The following IRAK3 variants were observed in gnomAD, a reference collection of about 807,000 sequenced individuals.
IRAK3 encodes interleukin 1 receptor associated kinase 3.
IRAK3 carries 57 observed loss-of-function variants against 56.6 expected under a neutral mutation model. The ratio of observed to expected loss-of-function variants is 1.01; its 90% CI spans 0.81 to 1.26. The LOEUF (loss-of-function observed/expected upper bound fraction) is 1.26. IRAK3 is among the 50% of genes most tolerant of loss of function. IRAK3 has a pLI of 0.00. For synonymous variants in IRAK3, 258 were observed against 255.7 expected, an observed-to-expected ratio of 1.01 and a Z score of -0.09; for missense variants, 703 against 719.0, an observed-to-expected ratio of 0.98 and a Z score of 0.25.
intron 6 of IRAK3, among the ~76,000 whole-genome samples, chr12:66,219,057 T>C (rs1371813853): frequency 6.6e-6 from 1 of 152,168 alleles, no homozygotes; most frequent in Non-Finnish European, 1.5e-5. Flanking sequence ...TGTATGTGTG[T>C]GTGTGTGTGT....
chr12:66,232,933 T>C (rs2052858605), intron 8 of IRAK3, among the ~76,000 whole-genome samples: 1 of 152,050 alleles, frequency 6.6e-6, no homozygotes, highest in Non-Finnish European at 1.5e-5. Flanking sequence ...TATTTTCTTT[T>C]CTGTATTTGG....
At chr12:66,226,628 T>C (rs1318138474) in intron 6 of IRAK3, 95 bp from the exon 7 acceptor site, 2 of 760,244 alleles carry the variant, frequency 2.6e-6, no homozygotes, top group Admixed American at 1.9e-5. Flanking sequence ...TTTAGGCCTA[T>C]TCCCCATCCC....
intron 8 of IRAK3, among the ~76,000 whole-genome samples, chr12:66,239,313 T>TTTTA (rs1555205067): frequency 4.0e-5 from 6 of 151,580 alleles, no homozygotes; most frequent in Non-Finnish European, 8.8e-5. Context: ...TTTTTTTTTT[T>TTTTA]AATGGAAATT....
At chr12:66,243,629 T>C (rs1341359276) in intron 8 of IRAK3, among the ~76,000 whole-genome samples, 1 of 152,214 alleles carries the variant, frequency 6.6e-6, no homozygotes, top group Admixed American at 6.5e-5. Flanking sequence ...GGGAGGACAC[T>C]ATGCACTTCG....
At chr12:66,243,752 G>A (rs896909806) in intron 8 of IRAK3, among the ~76,000 whole-genome samples, 3 of 152,198 alleles carry the variant, frequency 2.0e-5, no homozygotes, top group Non-Finnish European at 4.4e-5. Flanking sequence ...GAAAGGCAGA[G>A]CTCCTGGCTG....
intron 1 of IRAK3, among the ~76,000 whole-genome samples, chr12:66,199,471 G>A (rs189396742): frequency 6.6e-6 from 1 of 152,162 alleles, no homozygotes; most frequent in African/African-American, 2.4e-5. Flanking sequence ...ATCTGAAACT[G>A]TAGTGATTAT....
intron 2 of IRAK3, among the ~76,000 whole-genome samples, chr12:66,205,332 G>A (rs2052548718): frequency 6.6e-6 from 1 of 152,084 alleles, no homozygotes; most frequent in South Asian, 2.1e-4. Flanking sequence ...TTTTTTTGAT[G>A]TGAGATTAGC....
Position 66,244,487 on chromosome 12 carries a change from G to A in IRAK3, c.889G>A (p.Ala297Thr). The change falls in exon 9 of 12, where the codon GCA becomes ACA. Residue 297 changes from alanine (A) to threonine (T), a missense_variant and splice_region_variant. By Grantham distance (58) the Ala-to-Thr change is moderately conservative. Transcript: ENST00000261233. ...GTTTGTCCCTGATCACAATTTTAGT[G>A]CAAACATCCTTTTGGATGATCAGTT... Reference protein sequence around the residue: ...CSVICGSISSANILLDDQFQP... With the variant: ...CSVICGSISSTNILLDDQFQP... The A allele has an allele frequency of 1.2e-6, 2 of 1,613,510 alleles. No individual in the cohort carries two copies. Among genetic ancestry groups the A allele is most frequent in the Non-Finnish European group, 1.7e-6 (2 of 1,179,446 alleles).
Position 66,212,144 on chromosome 12 carries a change from A to G in IRAK3, c.588+547A>G, listed in dbSNP as rs552604275. 2.0e-5 allele frequency among the ~76,000 whole-genome samples: 3 copies of G among 150,164 alleles called. No homozygotes were observed. The East Asian group carries it at 5.9e-4, about 29-fold the overall frequency. ...AAAAAAAGACTTCTGAAAAGTCTCC[A>G]GGACTTTGTTAAAGAGGGTCAGGTA... On this transcript the variant is annotated intron_variant, in intron 5 of 11. Transcript: ENST00000261233.
In IRAK3 at chr12:66,203,711, CAG is replaced by C. The variant is rs1454565207; in HGVS notation, c.140_141del (p.Arg47ThrfsTer12). 5 of 1,613,740 alleles carry C rather than the reference CAG, an allele frequency of 3.1e-6. No homozygotes were observed. Among genetic ancestry groups the C allele is most frequent in the African/African-American group, 1.3e-5 (1 of 75,006 alleles). ...TTTGTTTATATTGCAATTTCCACAG[CAG>C]AGAGACTTTCAAGCAGCTGGCTGGA... is the stretch of plus-strand genomic sequence containing the variant. On this transcript the variant is annotated frameshift_variant and splice_region_variant, in exon 2 of 12. Transcript: ENST00000261233. LOFTEE classifies it high-confidence loss of function.
chr12:66,203,882 T>C lies in IRAK3; in HGVS notation c.305T>C (p.Ile102Thr). The change falls in exon 2 of 12, where the codon ATT (isoleucine) becomes ACT (threonine). Residue 102 changes from isoleucine to threonine, a missense_variant. Ile to Thr is a moderately conservative substitution (Grantham distance 89). Coordinates refer to ENST00000261233, the MANE Select transcript of IRAK3 (RefSeq NM_007199.3). Reference sequence around the variant, plus strand: ...GGACATCGTCGAGCTATTCATTTAATTACAAACTATGGTAAATGCTGATTC... The same window carrying C: ...GGACATCGTCGAGCTATTCATTTAACTACAAACTATGGTAAATGCTGATTC... ...EMGHRRAIHL[I>T]TNYGAVLSPS... 1.2e-6 allele frequency: 2 copies of C among 1,612,970 alleles called. No homozygotes were observed. Among genetic ancestry groups the C allele is most frequent in the African/African-American group, 1.3e-5 (1 of 75,054 alleles).
intron 1 of IRAK3, among the ~76,000 whole-genome samples, chr12:66,195,532 C>G (rs1175679399): frequency 2.6e-5 from 4 of 152,168 alleles, no homozygotes; most frequent in African/African-American, 9.7e-5. Context: ...TTGCTTGACT[C>G]CAACCACATT....
intron 1 of IRAK3, among the ~76,000 whole-genome samples, chr12:66,193,508 C>T (rs1262450455): frequency 6.6e-6 from 1 of 152,174 alleles, no homozygotes; most frequent in Non-Finnish European, 1.5e-5. Context: ...ATTCAGACTT[C>T]CTTTGCTTTT....
At chr12:66,205,379 AGATAG>A (rs1467099530) in intron 2 of IRAK3, among the ~76,000 whole-genome samples, 1 of 152,230 alleles carries the variant, frequency 6.6e-6, no homozygotes, top group African/African-American at 2.4e-5. Flanking sequence ...TAGTACAAAG[AGATAG>A]GTAAATCTGA....
intron 1 of IRAK3, among the ~76,000 whole-genome samples, chr12:66,193,911 G>A (rs533838112): frequency 6.6e-6 from 1 of 152,258 alleles, no homozygotes; most frequent in South Asian, 2.1e-4. Flanking sequence ...ATATGCAGTA[G>A]AGCCTGCTTT....
intron 1 of IRAK3, among the ~76,000 whole-genome samples, chr12:66,200,367 T>G (rs1029521202): frequency 6.6e-6 from 1 of 152,202 alleles, no homozygotes; most frequent in African/African-American, 2.4e-5. Context: ...TTCAGGCTGC[T>G]TTGATCTTGA....
rs1320870841 is a variant in IRAK3, at chr12:66,211,517, C to G, written c.508C>G (p.Leu170Val). 6.2e-7 allele frequency: 1 copy of G among 1,608,242 alleles called. No individual in the cohort carries two copies. The highest frequency in any genetic ancestry group is 1.3e-5 in the African/African-American group (1 of 74,930). Reference sequence around the variant, plus strand: ...AACTAGAAATTTCCACAAAGACTTCCTAATTGGAGAAGGAGAGATTTTTGA... The same window carrying G: ...AACTAGAAATTTCCACAAAGACTTCGTAATTGGAGAAGGAGAGATTTTTGA... ...EGTRNFHKDF[L>V]IGEGEIFEVY... Residue 170 changes from leucine (L) to valine (V), a missense_variant, in exon 5 of 12, where the codon CTA (leucine) becomes GTA (valine). Leu to Val is a conservative substitution (Grantham distance 32). Transcript: ENST00000261233.
chr12:66,228,219 G>A (rs536665863), intron 7 of IRAK3, 33 bp from the exon 8 acceptor site: 4 of 1,496,492 alleles, frequency 2.7e-6, no homozygotes, highest in Admixed American at 3.3e-5. Context: ...TACTCAGAAA[G>A]TGCAACCAAA....
At position 66,228,376 on chromosome 12, in the gene IRAK3, T is replaced by C. The variant is rs2052810635; in HGVS notation, c.887+6T>C. 12 of 1,596,624 alleles carry C rather than the reference T, an allele frequency of 7.5e-6. No homozygotes were observed. Among genetic ancestry groups the C allele is most frequent in the African/African-American group, 1.3e-5 (1 of 74,574 alleles). On this transcript the variant is annotated splice_donor_region_variant and intron_variant, in intron 8 of 11. Transcript: ENST00000261233. ...ATCTGTGGCAGTATATCAAGGTAAA[T>C]TATTCCAGAGCTTTTGGTTATACCT...
Sources: allele counts gnomAD v4.1 joint callset (sites outside exome capture counted in the v4.1 genomes callset), GRCh38; gene constraint gnomAD v4.1.1; transcripts MANE v1.5; gene names NCBI Gene and HGNC (gene_info 2026-07-23, HGNC 2026-07-21).